The following PPP1R21 variants were observed in gnomAD, a reference collection of about 807,000 sequenced individuals.
The protein encoded by PPP1R21 is KLRAQ motif containing 1.
In PPP1R21, 85 loss-of-function variants were observed where a neutral mutation model predicts 112.8. That is an observed-to-expected ratio of 0.75 (90% confidence interval 0.63 to 0.90). The LOEUF (loss-of-function observed/expected upper bound fraction) is 0.90. Ranked by LOEUF, PPP1R21 falls within the 40% of genes least tolerant of loss-of-function variation. The pLI, the probability that PPP1R21 is intolerant of heterozygous loss-of-function variation, is 0.00. For synonymous variants in PPP1R21, 381 were observed against 322.3 expected (o/e 1.18, Z -1.95); for missense variants, 1,199 against 901.5 (o/e 1.33, Z -4.23).
intron 1 of PPP1R21, among the ~76,000 whole-genome samples, chr2:48,444,337 C>A (rs1192726138): frequency 1.3e-5 from 2 of 152,132 alleles, no homozygotes; most frequent in African/African-American, 4.8e-5. Context: ...ATAACAGATG[C>A]AAGCTACCTC....
At chr2:48,470,362 A>G (rs954547793) in intron 9 of PPP1R21, among the ~76,000 whole-genome samples, 3 of 152,054 alleles carry the variant, frequency 2.0e-5, no homozygotes, top group Non-Finnish European at 4.4e-5. Flanking sequence ...TACTAAAAAT[A>G]CAAAAATTAG....
chr2:48,502,681 T>TC (rs1558518583), intron 17 of PPP1R21, among the ~76,000 whole-genome samples: 1 of 143,320 alleles, frequency 7.0e-6, no homozygotes, highest in East Asian at 2.0e-4. Context: ...CTTTTCTTTT[T>TC]TTTTTTTTTT....
At chr2:48,481,659 T>C (rs1042898888) in intron 13 of PPP1R21, among the ~76,000 whole-genome samples, 1 of 152,176 alleles carries the variant, frequency 6.6e-6, no homozygotes, top group Non-Finnish European at 1.5e-5. Flanking sequence ...GGAAGATCAC[T>C]TGAGCCCAAG....
At chr2:48,451,362 T>C (rs1174608109) in intron 2 of PPP1R21, among the ~76,000 whole-genome samples, 1 of 152,242 alleles carries the variant, frequency 6.6e-6, no homozygotes, top group Non-Finnish European at 1.5e-5. Flanking sequence ...TTATCTGGAT[T>C]ATTAAGGCTT....
chr2:48,473,989 T>C (rs985240897), intron 11 of PPP1R21, among the ~76,000 whole-genome samples: 3 of 152,238 alleles, frequency 2.0e-5, no homozygotes, highest in African/African-American at 7.2e-5. Context: ...CTGGTGTCAG[T>C]GTTAATAATA....
chr2:48,446,183 A>T (rs1456766232), intron 1 of PPP1R21, among the ~76,000 whole-genome samples: 1 of 152,264 alleles, frequency 6.6e-6, no homozygotes, highest in African/African-American at 2.4e-5. Flanking sequence ...GAGAAAATGC[A>T]TATGAATGAT....
chr2:48,511,041 T>C (rs1052545472), intron 20 of PPP1R21, among the ~76,000 whole-genome samples: 1 of 152,150 alleles, frequency 6.6e-6, no homozygotes, highest in South Asian at 2.1e-4. Flanking sequence ...AGAATTTTTT[T>C]AAAAAATTGA....
chr2:48,503,642 C>T (rs1453714712), intron 17 of PPP1R21, among the ~76,000 whole-genome samples: 1 of 152,070 alleles, frequency 6.6e-6, no homozygotes, highest in Non-Finnish European at 1.5e-5. Context: ...TTAAAGTAAT[C>T]TGTGTTAAAG....
chr2:48,469,468 GC>G (rs1668387839), intron 9 of PPP1R21, among the ~76,000 whole-genome samples: 1 of 26,746 alleles, frequency 3.7e-5, no homozygotes, highest in African/African-American at 1.1e-4. Context: ...TATATATAGA[GC>G]ATATATATAT....
chr2:48,505,891 A>G (rs920076136), intron 18 of PPP1R21, among the ~76,000 whole-genome samples: 2 of 152,302 alleles, frequency 1.3e-5, no homozygotes, highest in East Asian at 3.9e-4. Flanking sequence ...ATTTGCTGGC[A>G]TACTACATGA....
At chr2:48,471,737 C>G (rs1027454853) in intron 11 of PPP1R21, among the ~76,000 whole-genome samples, 1 of 152,088 alleles carries the variant, frequency 6.6e-6, no homozygotes, top group Non-Finnish European at 1.5e-5. Flanking sequence ...TTGTTATAAA[C>G]TAAAAACCTT....
chr2:48,456,090 A>G (rs949643474), intron 3 of PPP1R21, among the ~76,000 whole-genome samples: 1 of 150,748 alleles, frequency 6.6e-6, no homozygotes, highest in Non-Finnish European at 1.5e-5. Flanking sequence ...TGCAGATGTA[A>G]TTTCTTAGCA....
intron 14 of PPP1R21, among the ~76,000 whole-genome samples, chr2:48,489,817 G>T (rs1342846575): frequency 6.6e-6 from 1 of 151,664 alleles, no homozygotes; most frequent in Admixed American, 6.6e-5. Flanking sequence ...AGGCTGAGGC[G>T]GGAGGATCAC....
rs536544342 is a variant in PPP1R21, at chr2:48,496,214, G to A, written c.1692+443G>A. Among the ~76,000 whole-genome samples, 599 of 150,610 alleles carry A rather than the reference G, an allele frequency of 4.0e-3. 7 individuals carry two copies. Among genetic ancestry groups the A allele is most frequent in the Middle Eastern group, 0.014 (4 of 294 alleles). On this transcript the variant is annotated intron_variant, in intron 16 of 21. Transcript: ENST00000294952. The stretch of plus-strand genomic sequence containing the variant: ...AGGCACTGTCTTTTTCAGAAAAAAA[G>A]GAAAAAAAAAATATGTATATATTTG...
chr2:48,507,080 A>T, intron 18 of PPP1R21, 189 bp from the exon 19 acceptor site: 1 of 756,884 alleles, frequency 1.3e-6, no homozygotes, highest in East Asian at 3.5e-5. Context: ...AAAGATGCTA[A>T]ATAAAAGAAA....
intron 7 of PPP1R21, among the ~76,000 whole-genome samples, chr2:48,462,720 C>A (rs1384234582): frequency 6.6e-6 from 1 of 152,070 alleles, no homozygotes; most frequent in Non-Finnish European, 1.5e-5. Context: ...TTCATAAGGC[C>A]ATGGGGTTGT....
rs766544721 is a variant in PPP1R21 at position 48,464,952 on chromosome 2, A to T, written c.710A>T (p.Asn237Ile). ...PFNDTKYSQY[N>I]ALNVPLHNRR... is the part of the protein sequence containing the mutation. ...TCTTCTGTAGAATATAGTCAGTACA[A>T]CGCTCTGAACGTTCCACTCCACAAT... Residue 237 changes from asparagine to isoleucine, a missense_variant, in exon 8 of 22, where the codon AAC becomes ATC. Coordinates refer to ENST00000294952, the MANE Select transcript of PPP1R21 (RefSeq NM_001135629.3). The T allele has an allele frequency of 6.4e-7, 1 of 1,561,466 alleles. No individual in the cohort carries two copies. Among genetic ancestry groups the T allele is most frequent in the Non-Finnish European group, 8.6e-7 (1 of 1,163,962 alleles).
chr2:48,512,399 C>G (rs1302184278), intron 21 of PPP1R21, among the ~76,000 whole-genome samples: 1 of 147,536 alleles, frequency 6.8e-6, no homozygotes, highest in African/African-American at 2.7e-5. Flanking sequence ...TTTCATAACT[C>G]AGTATTATAC....
intron 17 of PPP1R21, among the ~76,000 whole-genome samples, chr2:48,499,021 C>G (rs1282268591): frequency 6.6e-6 from 1 of 151,608 alleles, no homozygotes; most frequent in East Asian, 1.9e-4. Context: ...CAGGTGAGCT[C>G]TCTGGGGTCT....
Sources: gnomAD v4.1 joint callset for allele counts (sites outside exome capture counted in the v4.1 genomes callset) on GRCh38, gnomAD v4.1.1 for gene constraint, MANE v1.5 for transcripts, NCBI Gene and HGNC (gene_info 2026-07-23, HGNC 2026-07-21) for gene names.